Variants in WWOX observed in about 807,000 individuals in gnomAD.
WWOX encodes the protein WW domain-containing oxidoreductase.
Under a neutral mutation model 46.2 loss-of-function variants are expected in WWOX, and 69 were observed. The observed-to-expected ratio is 1.49, with a 90% CI of 1.23 to 1.82. The LOEUF is 1.82. Among genes scored for constraint, WWOX ranks in the 40% most tolerant of loss-of-function variants. The probability of loss-of-function intolerance (pLI) is 0.00; values close to 1 mark genes in which losing one functional copy is unlikely to be tolerated. For missense variants in WWOX, 919 were observed against 542.6 expected (o/e 1.69, Z -6.89); for synonymous variants, 359 against 202.6 (o/e 1.77, Z -6.56).
At chr16:78,960,117 T>C (rs866887857) in intron 8 of WWOX, among the ~76,000 whole-genome samples, 4 of 152,154 alleles carry the variant, frequency 2.6e-5, no homozygotes, top group Admixed American at 6.5e-5. Flanking sequence ...TAAGGGGTTG[T>C]GCTGTGGCTC....
intron 5 of WWOX, among the ~76,000 whole-genome samples, chr16:78,356,603 C>G (rs1033004050): frequency 6.6e-6 from 1 of 152,172 alleles, no homozygotes; most frequent in Non-Finnish European, 1.5e-5. Context: ...AAAGTTCCGG[C>G]TGGGCACGGT....
intron 8 of WWOX, among the ~76,000 whole-genome samples, chr16:79,191,289 C>G (rs1349804767): frequency 6.6e-6 from 1 of 152,126 alleles, no homozygotes; most frequent in African/African-American, 2.4e-5. Flanking sequence ...CTCCTGAGCT[C>G]AGGCAATCTG....
intron 6 of WWOX, among the ~76,000 whole-genome samples, chr16:78,422,931 G>C (rs1597212620): frequency 6.8e-6 from 1 of 147,766 alleles, no homozygotes; most frequent in South Asian, 2.2e-4. Flanking sequence ...TGTTGCCCAG[G>C]CTGGGGTGCA....
At chr16:78,642,779 G>A (rs1028592033) in intron 8 of WWOX, among the ~76,000 whole-genome samples, 4 of 152,088 alleles carry the variant, frequency 2.6e-5, no homozygotes, top group African/African-American at 9.7e-5. Flanking sequence ...AGGGCGTGAG[G>A]CACACTCATG....
intron 5 of WWOX, among the ~76,000 whole-genome samples, chr16:78,216,882 C>T (rs1414641951): frequency 6.6e-6 from 1 of 152,092 alleles, no homozygotes; most frequent in African/African-American, 2.4e-5. Flanking sequence ...CAGGCACATG[C>T]CACCATGCCA....
chr16:78,897,222 T>G (rs1284777410), intron 8 of WWOX: 1 of 111,304 alleles, frequency 9.0e-6, no homozygotes, highest in Non-Finnish European at 1.7e-5. Context: ...CTAGCCTGGG[T>G]GACAGTGAGA....
chr16:78,875,374 A>C (rs1045539344), intron 8 of WWOX, among the ~76,000 whole-genome samples: 2 of 152,172 alleles, frequency 1.3e-5, no homozygotes, highest in Non-Finnish European at 2.9e-5. Flanking sequence ...AGTATATAAG[A>C]CATTTCCAGT....
intron 5 of WWOX, among the ~76,000 whole-genome samples, chr16:78,214,934 A>G (rs2036670421): frequency 6.6e-6 from 1 of 152,148 alleles, no homozygotes; most frequent in Non-Finnish European, 1.5e-5. Context: ...AGTATTTGAT[A>G]CTTAATCATA....
intron 8 of WWOX, among the ~76,000 whole-genome samples, chr16:78,641,272 C>G (rs1474221576): frequency 6.6e-6 from 1 of 152,062 alleles, no homozygotes; most frequent in African/African-American, 2.4e-5. Context: ...GAGAAGCCCC[C>G]AGACCGGAGC....
intron 8 of WWOX, among the ~76,000 whole-genome samples, chr16:78,671,915 C>T (rs1370755294): frequency 6.6e-6 from 1 of 152,116 alleles, no homozygotes; most frequent in Non-Finnish European, 1.5e-5. Context: ...CACTTCATTC[C>T]TTCTCATCTC....
chr16:78,249,973 C>T (rs1268433821), intron 5 of WWOX, among the ~76,000 whole-genome samples: 9 of 152,114 alleles, frequency 5.9e-5, no homozygotes, highest in Non-Finnish European at 1.2e-4. Flanking sequence ...AGGCCAGGTC[C>T]CCAGTGAGCG....
intron 8 of WWOX, among the ~76,000 whole-genome samples, chr16:79,119,914 A>C (rs113312757): frequency 6.7e-4 from 102 of 152,302 alleles, no homozygotes; most frequent in African/African-American, 2.4e-3. Context: ...TGGGCTGGGC[A>C]GGAGAACTGC....
intron 8 of WWOX, among the ~76,000 whole-genome samples, chr16:78,905,526 C>T (rs2044939646): frequency 1.3e-5 from 2 of 152,130 alleles, no homozygotes; most frequent in African/African-American, 4.8e-5. Context: ...AGACCATAGG[C>T]ATGTTCCACC....
chr16:78,770,735 C>T (rs942327377), intron 8 of WWOX, among the ~76,000 whole-genome samples: 1 of 151,864 alleles, frequency 6.6e-6, no homozygotes. Flanking sequence ...CCGTCTGCGC[C>T]AGTGTCCCTG....
At chr16:78,206,030 T>C (rs990790515) in intron 5 of WWOX, among the ~76,000 whole-genome samples, 4 of 152,024 alleles carry the variant, frequency 2.6e-5, no homozygotes, top group African/African-American at 9.7e-5. Flanking sequence ...GGTATTTTGT[T>C]TCACCATTGC....
intron 8 of WWOX, among the ~76,000 whole-genome samples, chr16:79,049,469 C>G (rs1265185083): frequency 6.6e-6 from 1 of 152,130 alleles, no homozygotes; most frequent in Admixed American, 6.5e-5. Context: ...ATTTGCAGCA[C>G]AGCTGGGACA....
At chr16:78,830,387 G>A (rs933837851) in intron 8 of WWOX, among the ~76,000 whole-genome samples, 1 of 151,982 alleles carries the variant, frequency 6.6e-6, no homozygotes, top group South Asian at 2.1e-4. Flanking sequence ...GTGCCGTATG[G>A]CTGGGGGTTT....
intron 8 of WWOX, among the ~76,000 whole-genome samples, chr16:79,049,096 C>T (rs2048118790): frequency 6.6e-6 from 1 of 152,206 alleles, no homozygotes; most frequent in Non-Finnish European, 1.5e-5. Context: ...CAGTGGTCAG[C>T]AGACTGTTTC....
chr16:78,301,590 T>G (rs1296148719), intron 5 of WWOX, among the ~76,000 whole-genome samples: 1 of 152,160 alleles, frequency 6.6e-6, no homozygotes, highest in African/African-American at 2.4e-5. Context: ...TGCACTCTGT[T>G]TATCTCTAAC....
Sources: gnomAD v4.1 joint callset for allele counts (sites outside exome capture counted in the v4.1 genomes callset) on GRCh38, gnomAD v4.1.1 for gene constraint, MANE v1.5 for transcripts, NCBI Gene and HGNC (gene_info 2026-07-23, HGNC 2026-07-21) for gene names.